Variants in PDE3B observed in about 807,000 individuals in gnomAD.
PDE3B encodes phosphodiesterase 3B.
In PDE3B, 66 loss-of-function variants were observed where a neutral mutation model predicts 116.8. The ratio of observed to expected loss-of-function variants is 0.56; its 90% CI spans 0.46 to 0.69. The LOEUF (loss-of-function observed/expected upper bound fraction) is 0.69, where lower values mean the gene tolerates loss of function less well. Ranked by LOEUF, PDE3B falls within the 30% of genes least tolerant of loss-of-function variation. The pLI is 0.00. For synonymous variants in PDE3B, 595 were observed against 533.6 expected, an observed-to-expected ratio of 1.12 and a Z score of -1.59; for missense variants, 1,384 against 1,368.1, an observed-to-expected ratio of 1.01 and a Z score of -0.18.
intron 1 of PDE3B, among the ~76,000 whole-genome samples, chr11:14,694,662 T>A (rs1353444623): frequency 6.6e-6 from 1 of 152,200 alleles, no homozygotes; most frequent in Non-Finnish European, 1.5e-5. Context: ...ATACTTTTTA[T>A]GCACTGGGAA....
At chr11:14,656,876 G>T (rs527567332) in intron 1 of PDE3B, among the ~76,000 whole-genome samples, 1 of 152,012 alleles carries the variant, frequency 6.6e-6, no homozygotes. Flanking sequence ...GAGACAATCC[G>T]TTTTTATTGT....
chr11:14,738,701 C>T (rs1306187777), intron 1 of PDE3B, among the ~76,000 whole-genome samples: 1 of 152,144 alleles, frequency 6.6e-6, no homozygotes, highest in South Asian at 2.1e-4. Flanking sequence ...AATGGTATTG[C>T]CTAGGTTTTC....
At chr11:14,885,992 G>T in the PDE3B span, 4 of 1,421,306 alleles carry the variant, frequency 2.8e-6, no homozygotes, top group South Asian at 4.7e-5. Flanking sequence ...ATCTACAAGT[G>T]GTAAGTGCGG....
chr11:14,788,353 T>G (rs1005646162), intron 3 of PDE3B, among the ~76,000 whole-genome samples: 1 of 151,914 alleles, frequency 6.6e-6, no homozygotes, highest in African/African-American at 2.4e-5. Context: ...AACAAGGATA[T>G]TAACATAAAG....
chr11:14,729,057 C>T (rs571061650), intron 1 of PDE3B, among the ~76,000 whole-genome samples: 5 of 152,256 alleles, frequency 3.3e-5, no homozygotes, highest in African/African-American at 1.2e-4. Flanking sequence ...TTGTAGCAGT[C>T]CCTGAGTTAG....
intron 2 of PDE3B, among the ~76,000 whole-genome samples, chr11:14,778,665 C>T (rs1004224746): frequency 4.6e-5 from 7 of 152,140 alleles, no homozygotes; most frequent in African/African-American, 1.4e-4. Flanking sequence ...CCCCGTCTGA[C>T]GTCACCATCA....
In PDE3B at chr11:14,867,774, C is replaced by A; in HGVS notation, c.3139+16C>A. ...CTAAATCCAAGTAAGAATATAGGGACATTATAATTTATTTAATGTTATAGG... is the reference window on the plus strand; with the variant it reads ...CTAAATCCAAGTAAGAATATAGGGAAATTATAATTTATTTAATGTTATAGG... On this transcript the variant is annotated intron_variant, in intron 15 of 15. Transcript: ENST00000282096. 1.9e-6 allele frequency: 3 copies of A among 1,582,968 alleles called. No individual in the cohort carries two copies. Among genetic ancestry groups the A allele is most frequent in the Non-Finnish European group, 2.6e-6 (3 of 1,154,606 alleles).
chr11:14,834,989 T>C lies in PDE3B; in HGVS notation c.2214T>C (p.Asn738=). The change falls in exon 11 of 16, where the codon AAT becomes AAC. Residue 738 remains asparagine (N), a synonymous_variant. Coordinates refer to ENST00000282096, the MANE Select transcript of PDE3B (RefSeq NM_000922.4). Reference sequence around the variant, plus strand: ...ACGTTTTGGTGACTTTAGATCACAATCGTATACATGCCACAGATGTGCTAC... The same window carrying C: ...ACGTTTTGGTGACTTTAGATCACAACCGTATACATGCCACAGATGTGCTAC... ...ENGYRDIPYH[N]RIHATDVLHA... The C allele has an allele frequency of 4.4e-6, 7 of 1,605,558 alleles. No individual in the cohort carries two copies. The highest frequency in any genetic ancestry group is 6.0e-6 in the Non-Finnish European group (7 of 1,174,462).
intron 1 of PDE3B, among the ~76,000 whole-genome samples, chr11:14,676,193 A>G (rs1191658446): frequency 6.6e-6 from 1 of 152,170 alleles, no homozygotes; most frequent in Non-Finnish European, 1.5e-5. Context: ...TCAAAAAATT[A>G]CTGGTTTGTA....
In PDE3B at chr11:14,644,719, G is replaced by GGCTCCGGCACTGCGTTCTGGTGCT. The variant is rs1853329455; in HGVS notation, c.650_673dup (p.Arg217_Leu224dup). On this transcript the variant is annotated inframe_insertion, in exon 1 of 16. Coordinates refer to ENST00000282096, the MANE Select transcript of PDE3B (RefSeq NM_000922.4). ...CTGCTGACGCTCGCGCACCCGCTGCGGCTCCGGCACTGCGTTCTGGTGCTG... is the reference window on the plus strand; with the variant it reads ...CTGCTGACGCTCGCGCACCCGCTGCGGCTCCGGCACTGCGTTCTGGTGCTGCTCCGGCACTGCGTTCTGGTGCTG... The GGCTCCGGCACTGCGTTCTGGTGCT allele has an allele frequency of 2.6e-6, 4 of 1,545,912 alleles. No homozygotes were observed. The highest frequency in any genetic ancestry group is 3.5e-6 in the Non-Finnish European group (4 of 1,148,432).
chr11:14,829,621 A>G (rs1039290086), intron 7 of PDE3B, among the ~76,000 whole-genome samples: 10 of 152,288 alleles, frequency 6.6e-5, no homozygotes, highest in Admixed American at 5.2e-4. Flanking sequence ...ACTGTCACTT[A>G]TAAGTGGGAG....
chr11:14,715,569 A>G lies in PDE3B; in HGVS notation c.979-56368A>G, dbSNP rs539205928. Among the ~76,000 whole-genome samples, 5 of 152,176 alleles carry G rather than the reference A, an allele frequency of 3.3e-5. No homozygotes were observed. The South Asian group carries it at 6.2e-4, about 19-fold the overall frequency. ...TGATTTGGCTCTCTGTTTGTGTGTT[A>G]TTGGTGTATAAGAATGCTTGTGTCT... On this transcript the variant is annotated intron_variant, in intron 1 of 15. Transcript: ENST00000282096.
intron 12 of PDE3B, among the ~76,000 whole-genome samples, chr11:14,858,653 T>A (rs1555006535): frequency 6.6e-6 from 1 of 152,174 alleles, no homozygotes; most frequent in African/African-American, 2.4e-5. Context: ...AGAAATGTAT[T>A]CTGAAACCTG....
chr11:14,764,555 A>G (rs1363532863), intron 1 of PDE3B, among the ~76,000 whole-genome samples: 1 of 152,108 alleles, frequency 6.6e-6, no homozygotes, highest in Non-Finnish European at 1.5e-5. Context: ...TGACAAATAT[A>G]AGATGCTACA....
intron 1 of PDE3B, among the ~76,000 whole-genome samples, chr11:14,733,745 AG>A (rs1445587139): frequency 3.3e-5 from 5 of 152,356 alleles, no homozygotes; most frequent in African/African-American, 1.2e-4. Flanking sequence ...AAAAGAAAAA[AG>A]GTAGGAAAGA....
intron 13 of PDE3B, 93 bp from the exon 14 acceptor site, chr11:14,861,112 A>G: frequency 1.1e-6 from 1 of 914,512 alleles, no homozygotes; most frequent in Non-Finnish European, 1.7e-6. Flanking sequence ...TTTAGACAGG[A>G]AACAGTTTTA....
chr11:14,755,928 C>G (rs1857169816), intron 1 of PDE3B, among the ~76,000 whole-genome samples: 2 of 152,138 alleles, frequency 1.3e-5, no homozygotes, highest in African/African-American at 2.4e-5. Context: ...AGAAATAAGT[C>G]TCTACTGGTA....
chr11:14,783,737 T>A (rs1465471986), intron 2 of PDE3B, among the ~76,000 whole-genome samples: 1 of 151,928 alleles, frequency 6.6e-6, no homozygotes, highest in Non-Finnish European at 1.5e-5. Context: ...ATTGTGCACA[T>A]GTACCCTAGA....
chr11:14,887,682 C>G, the PDE3B span: 1 of 981,224 alleles, frequency 1.0e-6, no homozygotes, highest in Non-Finnish European at 1.2e-6. Flanking sequence ...CAAACCAGCC[C>G]TACTCATAAT....
Sources: allele counts gnomAD v4.1 joint callset (sites outside exome capture counted in the v4.1 genomes callset), GRCh38; gene constraint gnomAD v4.1.1; transcripts MANE v1.5; gene names NCBI Gene and HGNC (gene_info 2026-07-23, HGNC 2026-07-21).